BCKDHB: variants seen among roughly 807,000 people sequenced by gnomAD.
The protein encoded by BCKDHB is branched chain keto acid dehydrogenase E1 subunit beta.
In BCKDHB, 41 loss-of-function variants were observed where a neutral mutation model predicts 48.5. The observed-to-expected ratio is 0.85, with a 90% CI of 0.66 to 1.10. BCKDHB has a LOEUF of 1.10. Among genes scored for constraint, BCKDHB ranks in the 50% least tolerant of loss-of-function variants. BCKDHB has a pLI of 0.00. For synonymous variants in BCKDHB, 201 were observed against 174.8 expected, an observed-to-expected ratio of 1.15 and a Z score of -1.18; for missense variants, 496 against 494.2, an observed-to-expected ratio of 1.00 and a Z score of -0.03.
At chr6:80,450,070 A>G in the BCKDHB span, among the ~76,000 whole-genome samples, 1 of 152,078 alleles carries the variant, frequency 6.6e-6, no homozygotes, top group Non-Finnish European at 1.5e-5. Context: ...GTTGGTTAAC[A>G]GGGTTCTGAG....
intron 8 of BCKDHB, among the ~76,000 whole-genome samples, chr6:80,228,515 T>C (rs1232213055): frequency 6.6e-6 from 1 of 152,198 alleles, no homozygotes; most frequent in Non-Finnish European, 1.5e-5. Flanking sequence ...ATCACCTTTA[T>C]TTTCTGAGCT....
At chr6:80,266,500 G>A (rs550919588) in intron 8 of BCKDHB, among the ~76,000 whole-genome samples, 2 of 152,042 alleles carry the variant, frequency 1.3e-5, no homozygotes, top group Non-Finnish European at 2.9e-5. Flanking sequence ...TACCTTTGCC[G>A]CCATTGTGAC....
At chr6:80,122,210 T>G (rs1770065480) in intron 1 of BCKDHB, among the ~76,000 whole-genome samples, 1 of 152,252 alleles carries the variant, frequency 6.6e-6, no homozygotes, top group South Asian at 2.1e-4. Flanking sequence ...GTTGACTTGA[T>G]CGTGGTGGAT....
chr6:80,261,831 G>T (rs544159008), intron 8 of BCKDHB, among the ~76,000 whole-genome samples: 30 of 152,196 alleles, frequency 2.0e-4, no homozygotes, highest in African/African-American at 7.0e-4. Flanking sequence ...GAGTGATCAG[G>T]ATAATTTTCA....
intron 9 of BCKDHB, among the ~76,000 whole-genome samples, chr6:80,328,162 G>A (rs1769136937): frequency 6.6e-6 from 1 of 152,140 alleles, no homozygotes; most frequent in Non-Finnish European, 1.5e-5. Flanking sequence ...TAAGATAAGG[G>A]AAAACTAGAT....
intron 9 of BCKDHB, chr6:80,307,857 A>C: frequency 7.1e-6 from 7 of 980,460 alleles, no homozygotes; most frequent in Non-Finnish European, 8.5e-6. Context: ...ACTACTTAAC[A>C]CTGCAAATGC....
chr6:80,198,571 T>A (rs1399249664), intron 6 of BCKDHB, among the ~76,000 whole-genome samples: 1 of 152,164 alleles, frequency 6.6e-6, no homozygotes, highest in African/African-American at 2.4e-5. Context: ...CTATCACCCA[T>A]AAAGCACCCA....
At chr6:80,388,086 G>T in the BCKDHB span, among the ~76,000 whole-genome samples, 1 of 152,198 alleles carries the variant, frequency 6.6e-6, no homozygotes. Flanking sequence ...ACAATGCCTA[G>T]TGGGCCTATT....
At chr6:80,196,923 G>T (rs950264137) in intron 6 of BCKDHB, among the ~76,000 whole-genome samples, 1 of 152,140 alleles carries the variant, frequency 6.6e-6, no homozygotes, top group Non-Finnish European at 1.5e-5. Flanking sequence ...GCCTTGAAAA[G>T]ATTTCTTATT....
At chr6:80,390,741 T>C in the BCKDHB span, among the ~76,000 whole-genome samples, 944 of 152,216 alleles carry the variant, frequency 6.2e-3, 10 homozygotes, top group African/African-American at 0.022. Context: ...TGTGTATAGG[T>C]TCAAGTTGAA....
chr6:80,322,245 TTTTTTTTTTTG>T (rs1176627278), intron 9 of BCKDHB, among the ~76,000 whole-genome samples: 2 of 111,912 alleles, frequency 1.8e-5, no homozygotes, highest in East Asian at 4.5e-4. Flanking sequence ...TTTCTTTTTT[TTTTTTTTTTTG>T]GTGACGGAGT....
chr6:80,303,092 C>CTGT (rs1767667218), intron 9 of BCKDHB, among the ~76,000 whole-genome samples: 1 of 152,118 alleles, frequency 6.6e-6, no homozygotes, highest in Non-Finnish European at 1.5e-5. Context: ...GAAAAGTCCT[C>CTGT]ACCTATTACC....
the BCKDHB span, among the ~76,000 whole-genome samples, chr6:80,393,034 C>A: frequency 6.6e-6 from 1 of 151,816 alleles, no homozygotes; most frequent in Admixed American, 6.6e-5. Flanking sequence ...TCCCCCAATA[C>A]CCTGAAAGAG....
chr6:80,438,355 A>G, the BCKDHB span, among the ~76,000 whole-genome samples: 1 of 152,220 alleles, frequency 6.6e-6, no homozygotes, highest in Non-Finnish European at 1.5e-5. Flanking sequence ...CCATCACTGT[A>G]TTGATAGGTG....
intron 3 of BCKDHB, among the ~76,000 whole-genome samples, chr6:80,137,696 G>T (rs568426730): frequency 1.3e-5 from 2 of 152,020 alleles, no homozygotes; most frequent in African/African-American, 4.8e-5. Context: ...TACCTTGGGG[G>T]GTACCACTAG....
intron 6 of BCKDHB, among the ~76,000 whole-genome samples, chr6:80,191,914 A>G (rs1773914282): frequency 6.6e-6 from 1 of 152,186 alleles, no homozygotes; most frequent in South Asian, 2.1e-4. Flanking sequence ...GAATTCATTT[A>G]AAAAAGTGCT....
intron 1 of BCKDHB, among the ~76,000 whole-genome samples, chr6:80,121,037 G>A (rs1209438508): frequency 6.6e-6 from 1 of 152,146 alleles, no homozygotes; most frequent in Non-Finnish European, 1.5e-5. Context: ...GTTAATTTTT[G>A]TATAAGGTGT....
At chr6:80,417,735 A>G in the BCKDHB span, among the ~76,000 whole-genome samples, 12 of 152,068 alleles carry the variant, frequency 7.9e-5, no homozygotes, top group Middle Eastern at 3.4e-3. Context: ...TTTGTAGGTG[A>G]CCTGACATTT....
At chr6:80,465,490 A>C in the BCKDHB span, among the ~76,000 whole-genome samples, 1 of 152,172 alleles carries the variant, frequency 6.6e-6, no homozygotes, top group African/African-American at 2.4e-5. Context: ...AAATTTTCTA[A>C]TACTGTTCTG....
Sources: allele counts gnomAD v4.1 joint callset (sites outside exome capture counted in the v4.1 genomes callset), GRCh38; gene constraint gnomAD v4.1.1; transcripts MANE v1.5; gene names NCBI Gene and HGNC (gene_info 2026-07-23, HGNC 2026-07-21).